The following ESYT3 variants were observed in gnomAD, a reference collection of about 807,000 sequenced individuals.
The protein encoded by ESYT3 is extended synaptotagmin-3.
Under a neutral mutation model 111.5 loss-of-function variants are expected in ESYT3, and 101 were observed. The observed-to-expected ratio is 0.91, with a 90% confidence interval of 0.77 to 1.07. The LOEUF (loss-of-function observed/expected upper bound fraction) is 1.07, where lower values mean the gene tolerates loss of function less well. ESYT3 is among the 50% of genes least tolerant of loss of function. The pLI, the probability that ESYT3 is intolerant of heterozygous loss-of-function variation, is 0.00. For missense variants in ESYT3, 1,097 were observed against 1,109.4 expected (o/e 0.99, Z 0.16); for synonymous variants, 416 against 446.8 (o/e 0.93, Z 0.87).
intron 1 of ESYT3, among the ~76,000 whole-genome samples, chr3:138,442,046 T>C (rs1186254220): frequency 2.6e-4 from 39 of 151,946 alleles, no homozygotes; most frequent in Non-Finnish European, 8.8e-5. Context: ...GACCCCAGAA[T>C]CACCCACTCT....
intron 1 of ESYT3, among the ~76,000 whole-genome samples, chr3:138,441,726 A>C (rs2031165567): frequency 6.6e-6 from 1 of 152,026 alleles, no homozygotes; most frequent in Non-Finnish European, 1.5e-5. Flanking sequence ...GCTTGAGGCA[A>C]GTGATTTCCT....
rs575188463 is a variant in ESYT3, at chr3:138,462,380, G to T, written c.915+174G>T. 9 of 873,784 alleles carry T rather than the reference G, an allele frequency of 1.0e-5. No individual in the cohort carries two copies. The Admixed American group carries it at 2.3e-4, about 22-fold the overall frequency. 54.1% of individuals were successfully genotyped at this position (873,784 alleles called of 1,614,324 possible). A position where few individuals can be genotyped will look rare whatever the true frequency, so the allele number is the denominator to read the frequency against. On this transcript the variant is annotated intron_variant, in intron 8 of 22. Coordinates refer to ENST00000389567, the MANE Select transcript of ESYT3 (RefSeq NM_031913.5). ...TTACTAAAGACATTTTGTCCTTGGG[G>T]TGTATCCCACTTGGGAGGTAGTGTC...
chr3:138,472,267 A>T (rs1018677282), intron 17 of ESYT3, 96 bp from the exon 18 acceptor site: 3 of 1,490,422 alleles, frequency 2.0e-6, no homozygotes, highest in Non-Finnish European at 2.7e-6. Context: ...GGGTCTTTAT[A>T]ATTCACAACT....
Position 138,467,605 on chromosome 3 carries a change from A to G in ESYT3, c.1214A>G (p.Asp405Gly). The G allele has an allele frequency of 6.2e-7, 1 of 1,614,082 alleles. No individual in the cohort carries two copies. The highest frequency in any genetic ancestry group is 1.1e-5 in the South Asian group (1 of 91,076). The change falls in exon 11 of 23, where the codon GAT becomes GGT. Residue 405 changes from aspartate (D) to glycine (G), a missense_variant. Physicochemically the swap from Asp to Gly is moderately conservative, Grantham distance 94 (BLOSUM62 -1). Coordinates refer to ENST00000389567, the MANE Select transcript of ESYT3 (RefSeq NM_031913.5). ...GATGTCATGACCAACAGAGTGGTGG[A>G]TGAGGTACAGTTGGTGCTTGCAACC... ...LGDVMTNRVVDEWFVLNDTTS... is the reference protein window; with the variant it reads ...LGDVMTNRVVGEWFVLNDTTS...
intron 1 of ESYT3, among the ~76,000 whole-genome samples, chr3:138,436,784 C>G (rs548947615): frequency 6.6e-6 from 1 of 152,200 alleles, no homozygotes; most frequent in Non-Finnish European, 1.5e-5. Context: ...CTGTTTTGTC[C>G]CCCTTGATGG....
At chr3:138,446,530 T>G (rs565007706) in intron 1 of ESYT3, among the ~76,000 whole-genome samples, 10 of 152,314 alleles carry the variant, frequency 6.6e-5, no homozygotes, top group African/African-American at 1.9e-4. Flanking sequence ...GAGATAGCAA[T>G]TGTCATATTA....
At position 138,472,409 on chromosome 3, in the gene ESYT3, C is replaced by A. The variant is rs939198528; in HGVS notation, c.1787C>A (p.Pro596His). 1.9e-6 allele frequency: 3 copies of A among 1,614,056 alleles called. No individual in the cohort carries two copies. In the African/African-American group the frequency reaches 4.0e-5, roughly 22 times the overall value. ...ERELGSPYTG[P>H]EALKKGPLLI... Reference sequence around the variant, plus strand: ...GAGCTGGGGAGCCCATACACAGGACCTGAAGCCCTAAAGAAAGGCCCTCTG... The same window carrying A: ...GAGCTGGGGAGCCCATACACAGGACATGAAGCCCTAAAGAAAGGCCCTCTG... The change falls in exon 18 of 23, where the codon CCT (proline) becomes CAT (histidine). Residue 596 changes from proline to histidine, a missense_variant. By Grantham distance (77) the Pro-to-His change is moderately conservative. Transcript: ENST00000389567.
chr3:138,448,020 C>T (rs973106630), intron 1 of ESYT3, among the ~76,000 whole-genome samples: 5 of 151,820 alleles, frequency 3.3e-5, no homozygotes, highest in African/African-American at 7.3e-5. Context: ...GTAATCCCAA[C>T]GCGTTGGGAG....
intron 1 of ESYT3, among the ~76,000 whole-genome samples, chr3:138,436,854 C>G (rs1036109813): frequency 6.6e-6 from 1 of 152,216 alleles, no homozygotes; most frequent in African/African-American, 2.4e-5. Context: ...TCTTTTCTCC[C>G]CTTCTGTATC....
chr3:138,460,798 C>T, intron 7 of ESYT3, 132 bp downstream of exon 7: 5 of 1,039,614 alleles, frequency 4.8e-6, no homozygotes, highest in Non-Finnish European at 7.4e-6. Context: ...AAGCATTGGT[C>T]TGTTTGGAGT....
At chr3:138,468,948 C>T in intron 14 of ESYT3, 67 bp downstream of exon 14, 1 of 1,503,386 alleles carries the variant, frequency 6.7e-7, no homozygotes, top group Non-Finnish European at 9.3e-7. Flanking sequence ...AGAGTAACCA[C>T]AACCCCATGT....
intron 1 of ESYT3, among the ~76,000 whole-genome samples, chr3:138,450,381 A>T (rs543429796): frequency 6.6e-6 from 1 of 152,178 alleles, no homozygotes; most frequent in Non-Finnish European, 1.5e-5. Context: ...AGCAGGTGGC[A>T]TCACTCCCAC....
intron 1 of ESYT3, among the ~76,000 whole-genome samples, chr3:138,448,447 G>A (rs1053064212): frequency 7.3e-5 from 11 of 151,578 alleles, no homozygotes; most frequent in Admixed American, 3.3e-4. Flanking sequence ...GAGTGAAGTA[G>A]ATTCCCAAGT....
intron 1 of ESYT3, among the ~76,000 whole-genome samples, chr3:138,451,549 T>C (rs963460699): frequency 1.3e-5 from 2 of 152,262 alleles, no homozygotes; most frequent in African/African-American, 4.8e-5. Flanking sequence ...TGTGTTATCC[T>C]GGGGGTTTCC....
rs756437673 is a variant in ESYT3 at position 138,460,014 on chromosome 3, G to T, written c.718G>T (p.Val240Leu). The change falls in exon 6 of 23, where the codon GTG becomes TTG. Residue 240 changes from valine (V) to leucine (L), a missense_variant. Physicochemically the swap from Val to Leu is conservative, Grantham distance 32. Coordinates refer to ENST00000389567, the MANE Select transcript of ESYT3 (RefSeq NM_031913.5). ...VDKPFVGAVTVFFLQKPHLQI... is the reference protein window; with the variant it reads ...VDKPFVGAVTLFFLQKPHLQI... Reference sequence around the variant, plus strand: ...CAAGCCCTTTGTGGGAGCCGTGACTGTGTTCTTCCTTCAGAAGCCGGTGAG... The same window carrying T: ...CAAGCCCTTTGTGGGAGCCGTGACTTTGTTCTTCCTTCAGAAGCCGGTGAG... The T allele has an allele frequency of 4.3e-6, 7 of 1,614,036 alleles. No individual in the cohort carries two copies. The highest frequency in any genetic ancestry group is 1.3e-5 in the African/African-American group (1 of 74,934).
Position 138,469,440 on chromosome 3 carries a change from A to C in ESYT3, c.1439A>C (p.Lys480Thr). 6.2e-7 allele frequency: 1 copy of C among 1,613,710 alleles called. No individual in the cohort carries two copies. The highest frequency in any genetic ancestry group is 8.5e-7 in the Non-Finnish European group (1 of 1,179,638). The part of the protein sequence containing the change: ...AKKLSRFARN[K>T]VSKDPSSYVK... ...TATGGATTTGATTCCTCACAGAACAAGGTCAGCAAAGACCCTTCTTCCTAT... is the reference window on the plus strand; with the variant it reads ...TATGGATTTGATTCCTCACAGAACACGGTCAGCAAAGACCCTTCTTCCTAT... The change falls in exon 15 of 23, where the codon AAG becomes ACG. Residue 480 changes from lysine to threonine, a missense_variant. Physicochemically the swap from Lys to Thr is moderately conservative, Grantham distance 78. Transcript: ENST00000389567.
At position 138,468,140 on chromosome 3, in the gene ESYT3, G is replaced by A; in HGVS notation, c.1254G>A (p.Leu418=). The A allele has an allele frequency of 1.2e-6, 2 of 1,614,172 alleles. No individual in the cohort carries two copies. The highest frequency in any genetic ancestry group is 1.1e-5 in the South Asian group (1 of 91,084). Reference sequence around the variant, plus strand: ...TGAATGACACAACCAGCGGGCGGCTGCACCTGCGGCTGGAGTGGCTTTCAT... The same window carrying A: ...TGAATGACACAACCAGCGGGCGGCTACACCTGCGGCTGGAGTGGCTTTCAT... ...FVLNDTTSGR[L]HLRLEWLSLL... is the part of the protein sequence containing the mutation. Residue 418 remains leucine (L), a synonymous_variant, in exon 12 of 23, where the codon CTG becomes CTA. Coordinates refer to ENST00000389567, the MANE Select transcript of ESYT3 (RefSeq NM_031913.5).
At chr3:138,456,856 A>G (rs1056103677) in intron 3 of ESYT3, among the ~76,000 whole-genome samples, 2 of 152,184 alleles carry the variant, frequency 1.3e-5, no homozygotes, top group Non-Finnish European at 2.9e-5. Flanking sequence ...CTGGCAAGCA[A>G]TCCTAAGAAA....
intron 1 of ESYT3, among the ~76,000 whole-genome samples, chr3:138,442,258 A>ATAT (rs2031209546): frequency 6.6e-6 from 1 of 152,156 alleles, no homozygotes; most frequent in Admixed American, 6.5e-5. Context: ...TCCTTTATAT[A>ATAT]GAAAATATAT....
Sources: allele counts gnomAD v4.1 joint callset (sites outside exome capture counted in the v4.1 genomes callset), GRCh38; gene constraint gnomAD v4.1.1; transcripts MANE v1.5; gene names NCBI Gene and HGNC (gene_info 2026-07-23, HGNC 2026-07-21).